The following HIGD1C variants were observed in gnomAD, a reference collection of about 807,000 sequenced individuals.
HIGD1C encodes the protein HIG1 hypoxia inducible domain family member 1C.
Under a neutral mutation model 13.1 loss-of-function variants are expected in HIGD1C, and 11 were observed. The observed-to-expected ratio is 0.84, with a 90% CI of 0.53 to 1.39. The LOEUF is 1.39. Ranked by LOEUF, HIGD1C falls within the 40% of genes most tolerant of loss-of-function variation. The pLI is 0.00. For missense variants in HIGD1C, 110 were observed against 112.0 expected (o/e 0.98, Z 0.08); for synonymous variants, 36 against 37.7 (o/e 0.95, Z 0.17).
chr12:50,972,502 G>A (rs543820199), downstream of HIGD1C, among the ~76,000 whole-genome samples: 12 of 152,316 alleles, frequency 7.9e-5, 1 homozygote, highest in Admixed American at 7.8e-4. Flanking sequence ...CCATTGCCAT[G>A]TTCTGGGGTG....
upstream of HIGD1C, among the ~76,000 whole-genome samples, chr12:50,953,372 C>T (rs1328469656): frequency 2.0e-5 from 3 of 152,304 alleles, no homozygotes; most frequent in East Asian, 3.9e-4. Context: ...CAGACTCAGG[C>T]GCTGCTAAAT....
upstream of HIGD1C, among the ~76,000 whole-genome samples, chr12:50,952,187 G>C (rs553150253): frequency 2.7e-5 from 4 of 150,666 alleles, no homozygotes; most frequent in Admixed American, 1.3e-4. Flanking sequence ...ACTGTACTAT[G>C]GTTATATAAT....
At chr12:50,960,765 C>G (rs1433815799) in intron 1 of HIGD1C, among the ~76,000 whole-genome samples, 1 of 152,066 alleles carries the variant, frequency 6.6e-6, no homozygotes, top group Non-Finnish European at 1.5e-5. Flanking sequence ...TCACTGAAGC[C>G]CTGAACTCCT....
chr12:50,972,088 T>C (rs983961583), downstream of HIGD1C, among the ~76,000 whole-genome samples: 1 of 152,218 alleles, frequency 6.6e-6, no homozygotes, highest in African/African-American at 2.4e-5. Flanking sequence ...CTGGATCTAA[T>C]ATGTTCCATT....
At chr12:50,954,188 T>C in intron 1 of HIGD1C, 96 bp downstream of exon 3, 2 of 737,708 alleles carry the variant, frequency 2.7e-6, no homozygotes, top group Non-Finnish European at 4.6e-6. Flanking sequence ...TATAATTGAA[T>C]TTTTTCAGAT....
At chr12:50,955,327 C>T (rs996361968) in intron 1 of HIGD1C, among the ~76,000 whole-genome samples, 1 of 152,076 alleles carries the variant, frequency 6.6e-6, no homozygotes, top group Non-Finnish European at 1.5e-5. Context: ...TTATCCTTTC[C>T]CCACACATAT....
the HIGD1C span, among the ~76,000 whole-genome samples, chr12:50,947,162 T>C: frequency 3.3e-5 from 5 of 152,192 alleles, no homozygotes; most frequent in African/African-American, 1.2e-4. Flanking sequence ...CACCCTTTCC[T>C]ACCCTGTGGA....
the HIGD1C span, among the ~76,000 whole-genome samples, chr12:50,933,266 T>A: frequency 6.6e-6 from 1 of 152,164 alleles, no homozygotes; most frequent in Non-Finnish European, 1.5e-5. Flanking sequence ...CCTCCTTGAA[T>A]CCAGAGAACA....
chr12:50,943,457 T>A, the HIGD1C span, among the ~76,000 whole-genome samples: 11 of 152,184 alleles, frequency 7.2e-5, no homozygotes, highest in East Asian at 1.2e-3. Flanking sequence ...ACACCTGTAA[T>A]CCCAGCACTT....
intron 2 of HIGD1C, among the ~76,000 whole-genome samples, chr12:50,965,261 G>A (rs1939497062): frequency 6.6e-6 from 1 of 150,820 alleles, no homozygotes; most frequent in South Asian, 2.1e-4. Context: ...CTACACGTGT[G>A]CACCACCATG....
chr12:50,953,787 A>ATTTTTTT, upstream of HIGD1C: 1 of 506,376 alleles, frequency 2.0e-6, no homozygotes, highest in Non-Finnish European at 3.5e-6. Context: ...TCCTCTATGT[A>ATTTTTTT]TTTTTTTCTT....
the HIGD1C span, among the ~76,000 whole-genome samples, chr12:50,946,686 A>C: frequency 2.0e-5 from 3 of 152,178 alleles, no homozygotes; most frequent in Admixed American, 6.5e-5. Context: ...TTCCTCAAGG[A>C]TCTAGAACTA....
At chr12:50,951,263 A>T (rs1288517351), upstream of HIGD1C, among the ~76,000 whole-genome samples, 1 of 152,224 alleles carries the variant, frequency 6.6e-6, no homozygotes, top group Non-Finnish European at 1.5e-5. Flanking sequence ...AACCCAGGAA[A>T]GGGACATTTC....
chr12:50,938,094 C>G, the HIGD1C span, among the ~76,000 whole-genome samples: 2 of 152,130 alleles, frequency 1.3e-5, no homozygotes, highest in Non-Finnish European at 2.9e-5. Context: ...GCCTAGGAAA[C>G]TGAACTTCCT....
At chr12:50,940,772 A>G in the HIGD1C span, among the ~76,000 whole-genome samples, 1 of 151,928 alleles carries the variant, frequency 6.6e-6, no homozygotes, top group African/African-American at 2.4e-5. Context: ...GTACATCTAT[A>G]TATCTACAAA....
the HIGD1C span, among the ~76,000 whole-genome samples, chr12:50,947,967 A>G: frequency 3.2e-4 from 49 of 152,226 alleles, no homozygotes; most frequent in Admixed American, 6.5e-4. Flanking sequence ...ATGAAAGACA[A>G]GATGAGAACA....
At chr12:50,963,369 C>CAAA (rs35764288) in intron 2 of HIGD1C, among the ~76,000 whole-genome samples, 11 of 72,388 alleles carry the variant, frequency 1.5e-4, no homozygotes, top group Non-Finnish European at 1.9e-4. Context: ...GACTCCATCT[C>CAAA]AAAAAAAAAA....
chr12:50,969,722 CA>C (rs1939690751), intron 2 of HIGD1C, among the ~76,000 whole-genome samples: 1 of 148,666 alleles, frequency 6.7e-6, no homozygotes, highest in African/African-American at 2.5e-5. Context: ...AAAACAAAAA[CA>C]AAACGTCATA....
At chr12:50,971,678 A>C (rs1939764949), downstream of HIGD1C, among the ~76,000 whole-genome samples, 1 of 152,184 alleles carries the variant, frequency 6.6e-6, no homozygotes, top group African/African-American at 2.4e-5. Context: ...CTTAATCCCA[A>C]AGACTCCAAG....
Sources: allele counts gnomAD v4.1 joint callset (sites outside exome capture counted in the v4.1 genomes callset), GRCh38; gene constraint gnomAD v4.1.1; transcripts MANE v1.5; gene names NCBI Gene and HGNC (gene_info 2026-07-23, HGNC 2026-07-21).